FAF1: variants seen among roughly 807,000 people sequenced by gnomAD.
FAF1 encodes the protein Fas associated factor 1.
FAF1 carries 25 observed loss-of-function variants against 92.5 expected under a neutral mutation model. That is an observed-to-expected ratio of 0.27 (90% CI 0.20 to 0.38). FAF1 has a LOEUF of 0.38. FAF1 is among the 10% of genes least tolerant of loss of function. FAF1 has a pLI of 1.00. For synonymous variants in FAF1, 234 were observed against 273.2 expected, an observed-to-expected ratio of 0.86 and a Z score of 1.42; for missense variants, 636 against 793.3, an observed-to-expected ratio of 0.80 and a Z score of 2.38.
In FAF1 at chr1:50,439,536, T is replaced by C. The variant is rs1646150619; in HGVS notation, c.*1904A>G. On this transcript the variant is annotated 3_prime_UTR_variant, in exon 19 of 19. Transcript: ENST00000396153. ...AGTGAAGGTGAGTGGGAGGGAACAA[T>C]ATAATGAAGAAACCCAAGTCAGATG... 6.6e-6 allele frequency: 1 copy of C among 152,136 alleles called. No individual in the cohort carries two copies. Among genetic ancestry groups the C allele is most frequent in the Non-Finnish European group, 1.5e-5 (1 of 68,034 alleles). 9.4% of individuals were successfully genotyped at this position (152,136 alleles called of 1,614,324 possible). A position where few individuals can be genotyped will look rare whatever the true frequency, so the allele number is the denominator to read the frequency against.
chr1:50,929,926 T>C (rs1023694756), intron 1 of FAF1, among the ~76,000 whole-genome samples: 6 of 152,230 alleles, frequency 3.9e-5, no homozygotes, highest in Non-Finnish European at 8.8e-5. Context: ...ATTTACAGTC[T>C]ACAACTCTTA....
rs1002782268 is a variant in FAF1, at chr1:50,788,093, G to T, written c.274C>A (p.Gln92Lys). The change falls in exon 4 of 19, where the codon CAG becomes AAG. Residue 92 changes from glutamine (Q) to lysine (K), a missense_variant. This residue lies in a region of FAF1 where 317 missense variants were observed against 342.4 expected (regional missense o/e 0.93). Transcript: ENST00000396153. ...SAFRPVMPSR[Q>K]IVERQPRMLD... ...ATCCGAGGTTGCCTTTCTACAATCTGCCTGGATGGCATTACAGGTCGAAAC... is the reference window on the plus strand; with the variant it reads ...ATCCGAGGTTGCCTTTCTACAATCTTCCTGGATGGCATTACAGGTCGAAAC... 6.2e-7 allele frequency: 1 copy of T among 1,614,042 alleles called. No individual in the cohort carries two copies. The highest frequency in any genetic ancestry group is 8.5e-7 in the Non-Finnish European group (1 of 1,179,936).
intron 7 of FAF1, among the ~76,000 whole-genome samples, chr1:50,684,154 A>G (rs1157500319): frequency 2.6e-5 from 4 of 152,246 alleles, no homozygotes; most frequent in African/African-American, 7.2e-5. Context: ...TAGTAGTAGC[A>G]AAGTCATAGC....
At chr1:50,441,781 T>C (rs866876077) in intron 18 of FAF1, among the ~76,000 whole-genome samples, 1 of 152,036 alleles carries the variant, frequency 6.6e-6, no homozygotes, top group African/African-American at 2.4e-5. Context: ...CAGCTCAGCC[T>C]GGCTGGCAGA....
chr1:50,751,630 C>CCATGCCAGGCCCTTTTTG (rs1659872717), intron 4 of FAF1, among the ~76,000 whole-genome samples: 1 of 152,250 alleles, frequency 6.6e-6, no homozygotes. Context: ...GCGTGAGCCA[C>CCATGCCAGGCCCTTTTTG]TGCACCCAGC....
chr1:50,885,619 C>A (rs185215173), intron 1 of FAF1, among the ~76,000 whole-genome samples: 46 of 152,114 alleles, frequency 3.0e-4, no homozygotes, highest in African/African-American at 1.1e-3. Flanking sequence ...CCATTTGGGT[C>A]TTGTTTTTGT....
At chr1:50,867,696 A>G (rs189794428) in intron 1 of FAF1, among the ~76,000 whole-genome samples, 3 of 152,288 alleles carry the variant, frequency 2.0e-5, no homozygotes, top group Admixed American at 1.3e-4. Flanking sequence ...GTTGCTGTGG[A>G]TGTGGTGAAA....
At chr1:50,711,655 CAAGG>C (rs1395897834) in intron 6 of FAF1, among the ~76,000 whole-genome samples, 3 of 151,894 alleles carry the variant, frequency 2.0e-5, no homozygotes, top group African/African-American at 7.2e-5. Flanking sequence ...TTAGTAGAGA[CAAGG>C]TTTTACTATA....
intron 7 of FAF1, among the ~76,000 whole-genome samples, chr1:50,665,382 G>A (rs1014757167): frequency 6.6e-6 from 1 of 152,062 alleles, no homozygotes; most frequent in African/African-American, 2.4e-5. Flanking sequence ...CAAATATTTC[G>A]CTACAAGGAT....
intron 1 of FAF1, among the ~76,000 whole-genome samples, chr1:50,870,476 A>G (rs1224885827): frequency 1.3e-5 from 2 of 152,260 alleles, no homozygotes; most frequent in Admixed American, 1.3e-4. Flanking sequence ...AAAGAAAGAA[A>G]AAATTAGAGG....
At chr1:50,811,259 G>T (rs1643906689) in intron 2 of FAF1, among the ~76,000 whole-genome samples, 1 of 151,780 alleles carries the variant, frequency 6.6e-6, no homozygotes, top group African/African-American at 2.4e-5. Context: ...AGATCACTTG[G>T]GCCCAGGAGG....
intron 12 of FAF1, among the ~76,000 whole-genome samples, chr1:50,580,334 T>C (rs1373126933): frequency 6.6e-6 from 1 of 151,874 alleles, no homozygotes; most frequent in Non-Finnish European, 1.5e-5. Context: ...CAAATAAGTA[T>C]AAAAATATAA....
intron 7 of FAF1, among the ~76,000 whole-genome samples, chr1:50,685,236 C>T (rs1200976700): frequency 3.3e-5 from 5 of 152,114 alleles, no homozygotes; most frequent in East Asian, 1.9e-4. Context: ...ATCTGAGGTA[C>T]ATGGAAAGAC....
intron 8 of FAF1, among the ~76,000 whole-genome samples, chr1:50,647,718 T>C (rs1654657216): frequency 6.6e-6 from 1 of 152,220 alleles, no homozygotes; most frequent in Non-Finnish European, 1.5e-5. Context: ...ACTGACTCTT[T>C]AATCTTCACA....
At chr1:50,442,244 C>A (rs376551626) in intron 18 of FAF1, among the ~76,000 whole-genome samples, 1 of 151,938 alleles carries the variant, frequency 6.6e-6, no homozygotes, top group Non-Finnish European at 1.5e-5. Context: ...TCTGAATCTG[C>A]GAGTGAGAGA....
intron 1 of FAF1, among the ~76,000 whole-genome samples, chr1:50,869,018 G>C (rs1224060126): frequency 3.3e-5 from 5 of 151,994 alleles, no homozygotes; most frequent in Non-Finnish European, 1.5e-5. Context: ...TTGTACTTGT[G>C]GATTTGTCTA....
At chr1:50,877,266 G>A (rs1183730262) in intron 1 of FAF1, among the ~76,000 whole-genome samples, 1 of 152,174 alleles carries the variant, frequency 6.6e-6, no homozygotes, top group Non-Finnish European at 1.5e-5. Context: ...CTTTACCTCT[G>A]TGGTCTTCCT....
chr1:50,956,524 C>T (rs979784006), intron 1 of FAF1, among the ~76,000 whole-genome samples: 9 of 152,182 alleles, frequency 5.9e-5, no homozygotes, highest in Admixed American at 2.6e-4. Flanking sequence ...TATTGAGTCT[C>T]ACAATCATAT....
chr1:50,531,627 T>A (rs1648175354), intron 15 of FAF1, among the ~76,000 whole-genome samples: 1 of 152,154 alleles, frequency 6.6e-6, no homozygotes, highest in African/African-American at 2.4e-5. Flanking sequence ...ATGTACTTGG[T>A]AGGTACTTTG....
Sources: allele counts gnomAD v4.1 joint callset (sites outside exome capture counted in the v4.1 genomes callset), GRCh38; gene constraint gnomAD v4.1.1; regional missense constraint gnomAD v4.1.1; transcripts MANE v1.5; gene names NCBI Gene and HGNC (gene_info 2026-07-23, HGNC 2026-07-21).